Variants in STK32C observed in about 807,000 individuals in gnomAD.
STK32C encodes the protein serine/threonine kinase 32C.
Under a neutral mutation model 56.5 loss-of-function variants are expected in STK32C, and 31 were observed. That is an observed-to-expected ratio of 0.55 (90% CI 0.41 to 0.74). STK32C has a LOEUF of 0.74. Ranked by LOEUF, STK32C falls within the 30% of genes least tolerant of loss-of-function variation. The probability of loss-of-function intolerance (pLI) is 0.00; values close to 1 mark genes in which losing one functional copy is unlikely to be tolerated. For missense variants in STK32C, 544 were observed against 676.9 expected (o/e 0.80, Z 2.18); for synonymous variants, 309 against 289.4 (o/e 1.07, Z -0.69).
rs138436504 is a variant in STK32C, at chr10:132,229,517, T to C, written c.319-1389A>G. ...TCTCTAAAAAAATTAAGTCAGATGA[T>C]TAACAACCTTAATTCAATCTGCAAT... is the stretch of plus-strand genomic sequence containing the variant. On this transcript the variant is annotated intron_variant, in intron 2 of 11. Transcript: ENST00000298630. 3.0e-4 allele frequency among the ~76,000 whole-genome samples: 46 copies of C among 152,334 alleles called. 1 individual carries two copies. Among genetic ancestry groups the C allele is most frequent in the African/African-American group, 1.1e-3 (45 of 41,568 alleles).
intron 1 of STK32C, among the ~76,000 whole-genome samples, chr10:132,260,005 C>T (rs750010483): frequency 5.3e-5 from 8 of 152,148 alleles, no homozygotes; most frequent in South Asian, 2.1e-4. Context: ...AAGGGCAGAG[C>T]GCACGCATCA....
chr10:132,254,228 G>A (rs530208990), intron 1 of STK32C, among the ~76,000 whole-genome samples: 1 of 152,288 alleles, frequency 6.6e-6, no homozygotes, highest in South Asian at 2.1e-4. Context: ...AGAACGGCAT[G>A]AACCCGGGAG....
intron 1 of STK32C, among the ~76,000 whole-genome samples, chr10:132,253,393 GGAGGGAGTC>G (rs2063977100): frequency 1.3e-5 from 2 of 149,936 alleles, no homozygotes; most frequent in African/African-American, 4.9e-5. Context: ...CGAGGTAGCT[GGAGGGAGTC>G]GAGGGAGCTG....
At position 132,307,882 on chromosome 10, in the gene STK32C, C is replaced by G. The variant is rs1000804908; in HGVS notation, c.-49G>C. The G allele has an allele frequency of 2.6e-6, 3 of 1,139,032 alleles. No individual in the cohort carries two copies. The highest frequency in any genetic ancestry group is 1.7e-5 in the African/African-American group (1 of 58,310). The allele number at this position is 1,139,032 out of a possible 1,614,324, so 70.6% of individuals were successfully genotyped here. A position where few individuals can be genotyped will look rare whatever the true frequency, so the allele number is the denominator to read the frequency against. ...AGCCGGAACTCGGGGCATGGCCGGCCGGCAGGGCCGGGAGCGGCAGTGGTA... is the reference window on the plus strand; with the variant it reads ...AGCCGGAACTCGGGGCATGGCCGGCGGGCAGGGCCGGGAGCGGCAGTGGTA... On this transcript the variant is annotated 5_prime_UTR_variant, in exon 1 of 12. Transcript: ENST00000298630. This position sits in a 1 kb window ranked among gnomAD's most constrained non-coding sequence, Gnocchi z 4.4.
intron 1 of STK32C, among the ~76,000 whole-genome samples, chr10:132,283,254 A>G (rs2065271294): frequency 6.6e-6 from 1 of 152,190 alleles, no homozygotes; most frequent in Non-Finnish European, 1.5e-5. Flanking sequence ...TTCAGCACAG[A>G]GCAACACGCT....
chr10:132,233,035 A>T (rs527579421), intron 2 of STK32C, among the ~76,000 whole-genome samples: 1 of 152,164 alleles, frequency 6.6e-6, no homozygotes, highest in South Asian at 2.1e-4. Flanking sequence ...CCACCTCCTA[A>T]TCCTTCCTGG....
At chr10:132,256,050 C>G (rs2064109912) in intron 1 of STK32C, among the ~76,000 whole-genome samples, 1 of 152,216 alleles carries the variant, frequency 6.6e-6, no homozygotes, top group South Asian at 2.1e-4. Context: ...CACCACCACC[C>G]TTCCAGCCTC....
intron 1 of STK32C, among the ~76,000 whole-genome samples, chr10:132,259,025 G>C (rs1422060138): frequency 7.7e-6 from 1 of 129,296 alleles, no homozygotes; most frequent in Non-Finnish European, 1.6e-5. Flanking sequence ...TATAGCTTGG[G>C]AGGCTGCTGC....
At position 132,297,460 on chromosome 10, in the gene STK32C, C is replaced by T. The variant is rs181647354; in HGVS notation, c.262+10112G>A. 4.9e-3 allele frequency among the ~76,000 whole-genome samples: 750 copies of T among 152,344 alleles called. 2 individuals carry two copies. The highest frequency in any genetic ancestry group is 0.016 in the African/African-American group (665 of 41,586). On this transcript the variant is annotated intron_variant, in intron 1 of 11. Coordinates refer to ENST00000298630, the MANE Select transcript of STK32C (RefSeq NM_173575.4). ...GCCAGCCCCGGTACTAGCTGGGCCACGCACTCTGGGGCTGGGGTCCCAGGG... is the reference window on the plus strand; with the variant it reads ...GCCAGCCCCGGTACTAGCTGGGCCATGCACTCTGGGGCTGGGGTCCCAGGG...
At chr10:132,287,793 G>C (rs1005243532) in intron 1 of STK32C, among the ~76,000 whole-genome samples, 1 of 152,038 alleles carries the variant, frequency 6.6e-6, no homozygotes, top group Non-Finnish European at 1.5e-5. Flanking sequence ...TCCCTGAATT[G>C]ATCTATAGTT....
At chr10:132,283,631 G>C (rs2065283961) in intron 1 of STK32C, among the ~76,000 whole-genome samples, 2 of 152,214 alleles carry the variant, frequency 1.3e-5, no homozygotes, top group South Asian at 4.1e-4. Context: ...CCCGGTTTTG[G>C]GGAACACCTG....
chr10:132,225,270 G>A lies in STK32C; in HGVS notation c.839C>T (p.Ser280Leu), dbSNP rs780952364. 43 of 1,611,314 alleles carry A rather than the reference G, an allele frequency of 2.7e-5. No homozygotes were observed. Among genetic ancestry groups the A allele is most frequent in the Non-Finnish European group, 2.6e-5 (31 of 1,179,180 alleles). The change falls in exon 7 of 12, where the codon TCG (serine) becomes TTG (leucine). Residue 280 changes from serine (S) to leucine (L), a missense_variant. Ser to Leu is a moderately radical substitution (Grantham distance 145, BLOSUM62 -2). Transcript: ENST00000298630. ...CAGCTCATAGGCCATCACCCCCACC[G>A]ACCACCAGTCCACCTCGAAGGAGTA... The part of the protein sequence containing the change: ...TGYSFEVDWW[S>L]VGVMAYELLR...
intron 1 of STK32C, chr10:132,249,066 C>T (rs776771612): frequency 8.3e-6 from 4 of 479,046 alleles, no homozygotes; most frequent in African/African-American, 7.9e-5. Context: ...GAGGCGGCGG[C>T]TCCGGCAGAG....
intron 1 of STK32C, among the ~76,000 whole-genome samples, chr10:132,258,096 C>G (rs906658617): frequency 5.9e-5 from 9 of 152,208 alleles, no homozygotes; most frequent in African/African-American, 2.2e-4. Flanking sequence ...GGCTGAGTGG[C>G]CCCCCAGGAC....
chr10:132,244,674 C>T (rs1272567811), intron 2 of STK32C, among the ~76,000 whole-genome samples: 5 of 152,358 alleles, frequency 3.3e-5, no homozygotes, highest in Non-Finnish European at 7.3e-5. Context: ...TCCCCCTAAG[C>T]CACCTCTCCT....
chr10:132,244,759 G>A (rs758253353), intron 2 of STK32C, among the ~76,000 whole-genome samples: 13 of 152,214 alleles, frequency 8.5e-5, no homozygotes, highest in South Asian at 8.3e-4. Context: ...CCTGCCCCTC[G>A]TGCACCCGCT....
chr10:132,211,061 C>A (rs115792613), intron 10 of STK32C, among the ~76,000 whole-genome samples: 1,635 of 152,304 alleles, frequency 0.011, 23 homozygotes, highest in African/African-American at 0.036. Flanking sequence ...TGGCTCTCTC[C>A]CTCCAGGCTT....
chr10:132,258,776 C>T (rs1264244776), intron 1 of STK32C, among the ~76,000 whole-genome samples: 2 of 152,246 alleles, frequency 1.3e-5, no homozygotes, highest in Non-Finnish European at 2.9e-5. Flanking sequence ...CCAGGCCACA[C>T]GGTCGCACAC....
intron 1 of STK32C, among the ~76,000 whole-genome samples, chr10:132,300,075 T>C (rs1285451949): frequency 1.3e-5 from 2 of 152,220 alleles, no homozygotes; most frequent in African/African-American, 4.8e-5. Flanking sequence ...CGTGCTAGAC[T>C]CCTGCAGACA....
Sources: allele counts gnomAD v4.1 joint callset (sites outside exome capture counted in the v4.1 genomes callset), GRCh38; gene constraint gnomAD v4.1.1; non-coding constraint Gnocchi (gnomAD v3.1); transcripts MANE v1.5; gene names NCBI Gene and HGNC (gene_info 2026-07-23, HGNC 2026-07-21).